Variants in KIFAP3 observed in about 807,000 individuals in gnomAD.
The protein encoded by KIFAP3 is kinesin associated protein 3.
A neutral mutation model predicts 106.5 loss-of-function variants in KIFAP3; 68 were observed. The ratio of observed to expected loss-of-function variants is 0.64; its 90% confidence interval spans 0.53 to 0.78. KIFAP3 has a LOEUF of 0.78. KIFAP3 is among the 30% of genes least tolerant of loss of function. The probability of loss-of-function intolerance (pLI) is 0.00; values close to 1 mark genes in which losing one functional copy is unlikely to be tolerated. For synonymous variants in KIFAP3, 320 were observed against 311.5 expected (o/e 1.03, Z -0.29); for missense variants, 780 against 941.8 (o/e 0.83, Z 2.25).
chr1:169,961,251 A>G lies in KIFAP3; in HGVS notation c.1984-16T>C. ...CATCATATTCCTATTGAAAACAAAC[A>G]GTCAACTGTTATTATATAAGCTAAC... On this transcript the variant is annotated splice_polypyrimidine_tract_variant and intron_variant, in intron 17 of 19. Transcript: ENST00000361580. 6.3e-7 allele frequency: 1 copy of G among 1,597,756 alleles called. No homozygotes were observed. Among genetic ancestry groups the G allele is most frequent in the Non-Finnish European group, 8.5e-7 (1 of 1,170,702 alleles).
intron 10 of KIFAP3, among the ~76,000 whole-genome samples, chr1:170,014,921 C>T (rs1557838145): frequency 6.6e-6 from 1 of 151,970 alleles, no homozygotes; most frequent in South Asian, 2.1e-4. Flanking sequence ...TAGTTATTAC[C>T]CTCATTTAAG....
chr1:170,077,464 G>A (rs1276876288), upstream of KIFAP3, among the ~76,000 whole-genome samples: 2 of 152,186 alleles, frequency 1.3e-5, no homozygotes, highest in Non-Finnish European at 2.9e-5. Flanking sequence ...AGAGAAAGTT[G>A]ATGAACTAGA....
chr1:170,016,302 G>T (rs989398546), intron 10 of KIFAP3, among the ~76,000 whole-genome samples, 160 bp downstream of exon 10: 1 of 152,004 alleles, frequency 6.6e-6, no homozygotes, highest in Non-Finnish European at 1.5e-5. Flanking sequence ...CCTGGTACAG[G>T]TCATTTTTTA....
At chr1:170,008,383 T>G (rs1293471276) in intron 10 of KIFAP3, among the ~76,000 whole-genome samples, 1 of 151,564 alleles carries the variant, frequency 6.6e-6, no homozygotes, top group African/African-American at 2.4e-5. Context: ...GACAAAGGGC[T>G]AATATCCAGA....
chr1:170,052,460 GAA>G (rs1553203992), intron 2 of KIFAP3, among the ~76,000 whole-genome samples: 1 of 152,078 alleles, frequency 6.6e-6, no homozygotes, highest in Non-Finnish European at 1.5e-5. Context: ...CCAAGCAAGA[GAA>G]AAAGAGGGAC....
At chr1:169,924,807 T>TTCTTCA (rs1419581963) in intron 19 of KIFAP3, among the ~76,000 whole-genome samples, 3 of 152,202 alleles carry the variant, frequency 2.0e-5, no homozygotes, top group African/African-American at 7.2e-5. Context: ...AGCAGATAGA[T>TTCTTCA]TCTTCATGTA....
In KIFAP3 at chr1:169,982,099, T is replaced by C. The variant is rs1293244933; in HGVS notation, c.1673-2A>G. ...AAACAAGATCATCTTCTGCAGCACC[T>C]AGTGAAGTCAAACCATAGAAAGTTT... On this transcript the variant is annotated splice_acceptor_variant, in intron 14 of 19. Transcript: ENST00000361580. LOFTEE classifies it high-confidence loss of function. The C allele has an allele frequency of 6.2e-7, 1 of 1,611,640 alleles. No homozygotes were observed. Among genetic ancestry groups the C allele is most frequent in the East Asian group, 2.2e-5 (1 of 44,818 alleles).
intron 10 of KIFAP3, among the ~76,000 whole-genome samples, chr1:170,012,535 G>T (rs1165701807): frequency 6.6e-6 from 1 of 151,996 alleles, no homozygotes; most frequent in Non-Finnish European, 1.5e-5. Flanking sequence ...AGAAAACAAA[G>T]ATGTAATTGA....
chr1:170,065,939 CT>C (rs1246106963), intron 1 of KIFAP3, among the ~76,000 whole-genome samples: 11 of 152,074 alleles, frequency 7.2e-5, no homozygotes, highest in South Asian at 4.1e-4. Context: ...AGATTCAGAT[CT>C]ATCACTTCAT....
chr1:170,074,377 C>G (rs1477067387), intron 1 of KIFAP3, 59 bp downstream of exon 1: 2 of 1,597,842 alleles, frequency 1.3e-6, no homozygotes, highest in South Asian at 1.1e-5. Flanking sequence ...ACAGCCAACC[C>G]AAGAACATCT....
intron 9 of KIFAP3, among the ~76,000 whole-genome samples, chr1:170,018,410 A>G (rs544496564): frequency 6.6e-6 from 1 of 152,190 alleles, no homozygotes; most frequent in Non-Finnish European, 1.5e-5. Flanking sequence ...CTTATTTAGT[A>G]AGAGAAGCTC....
intron 10 of KIFAP3, among the ~76,000 whole-genome samples, chr1:170,003,670 G>A (rs1226339145): frequency 2.6e-5 from 4 of 152,230 alleles, no homozygotes; most frequent in Non-Finnish European, 4.4e-5. Flanking sequence ...TCCTTCAGCT[G>A]TGGTGGGCTC....
intron 19 of KIFAP3, among the ~76,000 whole-genome samples, chr1:169,946,521 G>A (rs989671836): frequency 6.6e-6 from 1 of 152,066 alleles, no homozygotes; most frequent in Admixed American, 6.5e-5. Flanking sequence ...CAATAATGAT[G>A]TAATAGTAGG....
At chr1:170,081,293 C>G (rs1354044461) in intron 1 of KIFAP3, among the ~76,000 whole-genome samples, 1 of 152,172 alleles carries the variant, frequency 6.6e-6, no homozygotes, top group African/African-American at 2.4e-5. Flanking sequence ...CATAGTGACT[C>G]AACTTTATTA....
intron 18 of KIFAP3, among the ~76,000 whole-genome samples, chr1:169,958,435 T>G (rs664962): frequency 1.3e-5 from 2 of 152,084 alleles, no homozygotes; most frequent in African/African-American, 4.8e-5. Context: ...ATATTGGGCT[T>G]TTTGGTGAAC....
intron 19 of KIFAP3, among the ~76,000 whole-genome samples, chr1:169,924,971 C>T (rs1048727995): frequency 6.6e-6 from 1 of 152,180 alleles, no homozygotes; most frequent in Non-Finnish European, 1.5e-5. Context: ...GAAAAGTAAG[C>T]TGTGACATGC....
At chr1:170,030,254 A>G (rs145324051) in intron 8 of KIFAP3, among the ~76,000 whole-genome samples, 2 of 152,082 alleles carry the variant, frequency 1.3e-5, no homozygotes, top group Non-Finnish European at 2.9e-5. Context: ...CAATTTAATA[A>G]TAAGGCAAAA....
intron 10 of KIFAP3, among the ~76,000 whole-genome samples, chr1:170,006,456 C>T (rs987768180): frequency 6.6e-6 from 1 of 152,000 alleles, no homozygotes; most frequent in African/African-American, 2.4e-5. Flanking sequence ...GTTGCTGGGG[C>T]CTGGAGGGTG....
chr1:170,025,426 T>A (rs1342033010), intron 8 of KIFAP3, among the ~76,000 whole-genome samples: 1 of 152,124 alleles, frequency 6.6e-6, no homozygotes, highest in Non-Finnish European at 1.5e-5. Context: ...TTTCACTTCA[T>A]GTATTCTTGC....
Sources: gnomAD v4.1 joint callset for allele counts (sites outside exome capture counted in the v4.1 genomes callset) on GRCh38, gnomAD v4.1.1 for gene constraint, MANE v1.5 for transcripts, NCBI Gene and HGNC (gene_info 2026-07-23, HGNC 2026-07-21) for gene names.